ARMH3: variants seen among roughly 807,000 people sequenced by gnomAD.
ARMH3 encodes the protein armadillo-like helical domain-containing protein 3.
ARMH3 carries 60 observed loss-of-function variants against 99.1 expected under a neutral mutation model. That is an observed-to-expected ratio of 0.61 (90% CI 0.49 to 0.75). ARMH3 has a LOEUF of 0.75. Among genes scored for constraint, ARMH3 ranks in the 30% least tolerant of loss-of-function variants. ARMH3 has a pLI of 0.00. For missense variants in ARMH3, 679 were observed against 843.1 expected (o/e 0.81, Z 2.41); for synonymous variants, 285 against 292.8 (o/e 0.97, Z 0.27).
chr10:102,018,879 C>T (rs1341193056), intron 8 of ARMH3, among the ~76,000 whole-genome samples: 5 of 152,056 alleles, frequency 3.3e-5, no homozygotes, highest in African/African-American at 1.2e-4. Flanking sequence ...ATCATTAGAG[C>T]CCGGGAAACA....
rs747678186 is a variant in ARMH3, at chr10:102,006,521, A to T, written c.1048+19T>A. The T allele has an allele frequency of 1.2e-6, 2 of 1,605,912 alleles. No individual in the cohort carries two copies. The highest frequency in any genetic ancestry group is 3.3e-5 in the Admixed American group (2 of 59,974). On this transcript the variant is annotated intron_variant, in intron 14 of 25. Coordinates refer to ENST00000370033, the MANE Select transcript of ARMH3 (RefSeq NM_024541.3). ...TAAGATCATATTAACCAAGAAAAAC[A>T]AAGTGGTGGTGGGCTCACCATCAGA...
intron 1 of ARMH3, among the ~76,000 whole-genome samples, chr10:102,050,888 TG>T (rs1281929780): frequency 6.8e-6 from 1 of 147,338 alleles, no homozygotes; most frequent in Admixed American, 6.8e-5. Context: ...CCAGGCATGG[TG>T]GCTCACGCCT....
At chr10:101,966,587 G>C (rs749420916) in intron 20 of ARMH3, among the ~76,000 whole-genome samples, 1 of 151,904 alleles carries the variant, frequency 6.6e-6, no homozygotes. Flanking sequence ...AGTTGAATAC[G>C]ATCCATCTGA....
At chr10:102,032,060 C>G (rs1445538053) in intron 4 of ARMH3, among the ~76,000 whole-genome samples, 1 of 152,140 alleles carries the variant, frequency 6.6e-6, no homozygotes, top group Non-Finnish European at 1.5e-5. Flanking sequence ...TATTCTAAAC[C>G]TATCAATCAC....
intron 23 of ARMH3, among the ~76,000 whole-genome samples, chr10:101,908,150 T>A (rs1029060031): frequency 6.6e-6 from 1 of 152,254 alleles, no homozygotes; most frequent in Non-Finnish European, 1.5e-5. Context: ...TTCCACTAAA[T>A]ACAATTGTAT....
At chr10:101,991,928 G>T in intron 18 of ARMH3, 41 bp downstream of exon 18, 2 of 1,533,136 alleles carry the variant, frequency 1.3e-6, no homozygotes, top group Non-Finnish European at 1.8e-6. Context: ...AAAGCCTATC[G>T]CTGTCACAGA....
intron 23 of ARMH3, chr10:101,889,810 G>C (rs1388957839): frequency 1.5e-5 from 4 of 258,374 alleles, no homozygotes; most frequent in African/African-American, 8.7e-5. Context: ...CTGTCCACTA[G>C]GGGGCCCTGG....
At chr10:102,011,481 C>G (rs2066626895) in intron 11 of ARMH3, among the ~76,000 whole-genome samples, 1 of 151,970 alleles carries the variant, frequency 6.6e-6, no homozygotes, top group African/African-American at 2.4e-5. Context: ...CCAAAGCTCT[C>G]CTTTCCCCAT....
chr10:101,852,527 G>A (rs575733565), intron 24 of ARMH3, among the ~76,000 whole-genome samples: 3 of 152,252 alleles, frequency 2.0e-5, no homozygotes, highest in East Asian at 1.9e-4. Context: ...AGGCCGAGGC[G>A]GGCAGATCAC....
At chr10:102,055,628 C>G (rs987979463) in intron 1 of ARMH3, among the ~76,000 whole-genome samples, 20 of 152,158 alleles carry the variant, frequency 1.3e-4, no homozygotes, top group African/African-American at 4.6e-4. Flanking sequence ...GGACTGGAGC[C>G]CTTCCGGGAC....
intron 8 of ARMH3, among the ~76,000 whole-genome samples, chr10:102,023,183 G>A (rs983058777): frequency 2.0e-5 from 1 of 50,484 alleles, no homozygotes; most frequent in African/African-American, 6.8e-5. Flanking sequence ...GCGAAAATCC[G>A]TCTCAAAAAA....
chr10:102,013,902 T>G, intron 9 of ARMH3, 66 bp downstream of exon 9: 1 of 1,332,670 alleles, frequency 7.5e-7, no homozygotes, highest in Non-Finnish European at 1.1e-6. Flanking sequence ...CTAAATGTAC[T>G]TTCACTGAAA....
chr10:101,861,290 A>G (rs2066860970), intron 24 of ARMH3, among the ~76,000 whole-genome samples: 1 of 152,228 alleles, frequency 6.6e-6, no homozygotes, highest in Non-Finnish European at 1.5e-5. Flanking sequence ...CAATGTAATA[A>G]TAATATTTGT....
intron 23 of ARMH3, among the ~76,000 whole-genome samples, chr10:101,904,107 A>C (rs2068043319): frequency 6.6e-6 from 1 of 152,206 alleles, no homozygotes; most frequent in Non-Finnish European, 1.5e-5. Context: ...ATCTCCACCA[A>C]ACCACACTGA....
At chr10:101,958,596 T>G (rs1845146414) in intron 20 of ARMH3, among the ~76,000 whole-genome samples, 2 of 152,148 alleles carry the variant, frequency 1.3e-5, no homozygotes, top group Non-Finnish European at 2.9e-5. Context: ...GATGGGATAC[T>G]ATAAAGGGGT....
chr10:101,887,687 C>G (rs891962521), intron 24 of ARMH3, among the ~76,000 whole-genome samples: 2 of 150,364 alleles, frequency 1.3e-5, no homozygotes, highest in African/African-American at 4.9e-5. Flanking sequence ...CCCACCTCAG[C>G]CTCCCAAAGT....
chr10:102,003,601 G>A (rs536074614), intron 14 of ARMH3, among the ~76,000 whole-genome samples: 14 of 152,312 alleles, frequency 9.2e-5, no homozygotes, highest in Non-Finnish European at 2.1e-4. Flanking sequence ...AAAAGCTAGA[G>A]AATCTATGGC....
At chr10:102,052,859 C>T (rs779720256) in intron 1 of ARMH3, among the ~76,000 whole-genome samples, 11 of 152,096 alleles carry the variant, frequency 7.2e-5, no homozygotes, top group Non-Finnish European at 1.5e-4. Flanking sequence ...AGGTCTCCAT[C>T]GGTACATCCT....
chr10:101,988,922 CA>C (rs35605193), intron 19 of ARMH3, among the ~76,000 whole-genome samples: 1,805 of 56,550 alleles, frequency 0.032, 10 homozygotes, highest in South Asian at 0.05. Context: ...GACTCTGTCT[CA>C]AAAAAAAAAA....
Sources: allele counts gnomAD v4.1 joint callset (sites outside exome capture counted in the v4.1 genomes callset), GRCh38; gene constraint gnomAD v4.1.1; transcripts MANE v1.5; gene names NCBI Gene and HGNC (gene_info 2026-07-23, HGNC 2026-07-21).